Variants in NT5C3A observed in about 807,000 individuals in gnomAD.
NT5C3A encodes 5'-nucleotidase, cytosolic IIIA.
NT5C3A carries 23 observed loss-of-function variants against 40.0 expected under a neutral mutation model. That is an observed-to-expected ratio of 0.58 (90% CI 0.41 to 0.81). NT5C3A has a LOEUF of 0.81. Ranked by LOEUF, NT5C3A falls within the 40% of genes least tolerant of loss-of-function variation. The pLI, the probability that NT5C3A is intolerant of heterozygous loss-of-function variation, is 0.00. For synonymous variants in NT5C3A, 130 were observed against 141.4 expected, an observed-to-expected ratio of 0.92 and a Z score of 0.57; for missense variants, 328 against 403.0, an observed-to-expected ratio of 0.81 and a Z score of 1.59.
rs1282448514 is a variant in NT5C3A at position 33,015,705 on chromosome 7, C to G, written c.859G>C (p.Glu287Gln). 1 of 1,610,640 alleles carries G rather than the reference C, an allele frequency of 6.2e-7. No individual in the cohort carries two copies. The highest frequency in any genetic ancestry group is 8.5e-7 in the Non-Finnish European group (1 of 1,177,298). Residue 287 changes from glutamate to glutamine, a missense_variant, in exon 8 of 9, where the codon GAG becomes CAG. Glu to Gln is a conservative substitution (Grantham distance 29). Around this residue, in one of 3 missense-constraint regions of NT5C3A, gnomAD observed 36 missense variants for 51.1 expected, o/e 0.70. Coordinates refer to ENST00000610140, the MANE Select transcript of NT5C3A (RefSeq NM_001002010.5). ...AGATATCCAATTTTCAGAATGTGCT[C>G]AACATTGGCCACTCCATCTGCCATT... is the stretch of plus-strand genomic sequence containing the variant. ...LRMADGVANV[E>Q]HILKIGYLND...
intron 1 of NT5C3A, among the ~76,000 whole-genome samples, chr7:33,042,267 T>C (rs149569872): frequency 0.049 from 7,348 of 149,570 alleles, 403 homozygotes; most frequent in African/African-American, 0.12. Flanking sequence ...GAGGCGGAGG[T>C]TGCAGTGAGC....
At chr7:33,018,119 T>C (rs1785439480) in intron 6 of NT5C3A, among the ~76,000 whole-genome samples, 1 of 152,212 alleles carries the variant, frequency 6.6e-6, no homozygotes, top group South Asian at 2.1e-4. Flanking sequence ...TGGAGTCCCA[T>C]AGTGGGCCTA....
At chr7:33,015,309 G>A (rs760385929) in intron 8 of NT5C3A, among the ~76,000 whole-genome samples, 5 of 152,194 alleles carry the variant, frequency 3.3e-5, no homozygotes, top group Non-Finnish European at 7.3e-5. Context: ...GCTCACGCCT[G>A]TTATCCCAAG....
At chr7:33,031,782 A>G (rs1176863334) in intron 1 of NT5C3A, among the ~76,000 whole-genome samples, 1 of 152,186 alleles carries the variant, frequency 6.6e-6, no homozygotes, top group Non-Finnish European at 1.5e-5. Context: ...CTTTTAATTT[A>G]TAAATATGTA....
intron 1 of NT5C3A, among the ~76,000 whole-genome samples, chr7:33,048,846 TCAC>T (rs1045646869): frequency 3.9e-5 from 6 of 152,162 alleles, no homozygotes; most frequent in African/African-American, 1.4e-4. Flanking sequence ...ATGTATGACA[TCAC>T]CAAACATTCT....
chr7:33,051,941 G>T (rs1787386330), intron 1 of NT5C3A, among the ~76,000 whole-genome samples: 1 of 152,150 alleles, frequency 6.6e-6, no homozygotes. Context: ...AGCAATACAT[G>T]CTCATGATAT....
At chr7:33,023,853 T>G (rs958672017) in intron 3 of NT5C3A, 186 bp downstream of exon 3, 36 of 579,516 alleles carry the variant, frequency 6.2e-5, no homozygotes, top group Non-Finnish European at 9.8e-5. Flanking sequence ...AAACCATACA[T>G]GAAAATAACC....
In NT5C3A at chr7:33,017,613, A is replaced by G; in HGVS notation, c.531-12T>C. 3 of 1,606,780 alleles carry G rather than the reference A, an allele frequency of 1.9e-6. No homozygotes were observed. The highest frequency in any genetic ancestry group is 1.7e-5 in the Admixed American group (1 of 60,012). Reference sequence around the variant, plus strand: ...TCTCATATCCTTCTCTGTAAGATGGAGATAACAAACTGGTTATTAAAGAGC... The same window carrying G: ...TCTCATATCCTTCTCTGTAAGATGGGGATAACAAACTGGTTATTAAAGAGC... On this transcript the variant is annotated splice_polypyrimidine_tract_variant and intron_variant, in intron 6 of 8. Transcript: ENST00000610140.
At chr7:33,025,049 G>GA (rs1785841929) in intron 2 of NT5C3A, among the ~76,000 whole-genome samples, 1 of 152,128 alleles carries the variant, frequency 6.6e-6, no homozygotes, top group South Asian at 2.1e-4. Flanking sequence ...TGAGGCAGGA[G>GA]AATCACTTGA....
chr7:33,052,911 A>T (rs888609020), intron 1 of NT5C3A, among the ~76,000 whole-genome samples: 1 of 152,210 alleles, frequency 6.6e-6, no homozygotes, highest in Non-Finnish European at 1.5e-5. Flanking sequence ...TGTTGATGCC[A>T]TGGTCTGGGA....
chr7:33,033,894 AAT>A (rs1491340356), intron 1 of NT5C3A, among the ~76,000 whole-genome samples: 3 of 123,538 alleles, frequency 2.4e-5, no homozygotes, highest in South Asian at 2.4e-4. Flanking sequence ...ATATATATAT[AAT>A]TTTTTTTTTT....
intron 3 of NT5C3A, among the ~76,000 whole-genome samples, chr7:33,022,806 T>C (rs1583905072): frequency 6.6e-6 from 1 of 152,234 alleles, no homozygotes; most frequent in Admixed American, 6.5e-5. Context: ...TAATTTTATG[T>C]TGAGCTTAGT....
chr7:33,026,686 G>GTC (rs1292364575), intron 2 of NT5C3A, 131 bp downstream of exon 2: 1 of 652,352 alleles, frequency 1.5e-6, no homozygotes, highest in East Asian at 2.9e-5. Flanking sequence ...TAGAGATGGG[G>GTC]TCTCACTATG....
At position 33,061,563 on chromosome 7, in the gene NT5C3A, A is replaced by T. The variant is rs11760453; in HGVS notation, c.138+1005T>A. Among the ~76,000 whole-genome samples, 918 of 152,288 alleles carry T rather than the reference A, an allele frequency of 6.0e-3. 3 individuals are homozygous for T. Among genetic ancestry groups the T allele is most frequent in the Non-Finnish European group, 0.01 (699 of 68,018 alleles). ...AATTATGCAAATACATCTGTATTCA[A>T]CCTGGGGTCAGTACAACCAATAGGA... On this transcript the variant is annotated intron_variant, in intron 1 of 8. Coordinates refer to ENST00000610140, the MANE Select transcript of NT5C3A (RefSeq NM_001002010.5).
intron 5 of NT5C3A, among the ~76,000 whole-genome samples, chr7:33,020,602 T>C (rs576610789): frequency 1.3e-5 from 2 of 152,314 alleles, no homozygotes; most frequent in South Asian, 4.1e-4. Context: ...AACTGTTACG[T>C]AACGGGACAA....
intron 1 of NT5C3A, chr7:33,041,224 T>C: frequency 1.4e-6 from 1 of 722,114 alleles, no homozygotes; most frequent in Non-Finnish European, 1.7e-6. Context: ...GTCAGTGGTT[T>C]GTCAGTGTAC....
At chr7:33,055,216 T>G (rs1012235634) in intron 1 of NT5C3A, among the ~76,000 whole-genome samples, 2 of 151,872 alleles carry the variant, frequency 1.3e-5, no homozygotes, top group Non-Finnish European at 2.9e-5. Context: ...TCCCAGCTAC[T>G]CGGGAGACTG....
intron 6 of NT5C3A, among the ~76,000 whole-genome samples, 156 bp from the exon 7 acceptor site, chr7:33,017,757 ATAC>A (rs1304081871): frequency 1.3e-5 from 2 of 152,238 alleles, no homozygotes; most frequent in Non-Finnish European, 2.9e-5. Flanking sequence ...GATATCTACA[ATAC>A]TACAAGTTTT....
chr7:33,055,357 G>C (rs1025842504), intron 1 of NT5C3A, among the ~76,000 whole-genome samples: 3 of 151,794 alleles, frequency 2.0e-5, no homozygotes, highest in Non-Finnish European at 2.9e-5. Flanking sequence ...TTCTGAGTTT[G>C]TGTTCTCTAC....
Sources: allele counts gnomAD v4.1 joint callset (sites outside exome capture counted in the v4.1 genomes callset), GRCh38; gene constraint gnomAD v4.1.1; regional missense constraint gnomAD v4.1.1; transcripts MANE v1.5; gene names NCBI Gene and HGNC (gene_info 2026-07-23, HGNC 2026-07-21).